The following AHCYL2 variants were observed in gnomAD, a reference collection of about 807,000 sequenced individuals.
AHCYL2 encodes adenosylhomocysteinase like 2, also known as S-adenosylhomocysteine hydrolase-like protein 2.
In AHCYL2, 28 loss-of-function variants were observed where a neutral mutation model predicts 81.4. The ratio of observed to expected loss-of-function variants is 0.34; its 90% CI spans 0.25 to 0.47. AHCYL2 has a LOEUF of 0.47. Ranked by LOEUF, AHCYL2 falls within the 20% of genes least tolerant of loss-of-function variation. The pLI, the probability that AHCYL2 is intolerant of heterozygous loss-of-function variation, is 1.00. For missense variants in AHCYL2, 551 were observed against 785.1 expected (o/e 0.70, Z 3.56); for synonymous variants, 272 against 290.2 (o/e 0.94, Z 0.64).
chr7:129,320,133 C>A (rs1318420429), intron 1 of AHCYL2, among the ~76,000 whole-genome samples: 2 of 152,006 alleles, frequency 1.3e-5, no homozygotes, highest in Non-Finnish European at 2.9e-5. Context: ...GATGATAAAT[C>A]CATGTGCTTT....
chr7:129,271,986 G>A (rs1162827203), intron 1 of AHCYL2, among the ~76,000 whole-genome samples: 1 of 152,210 alleles, frequency 6.6e-6, no homozygotes, highest in Admixed American at 6.5e-5. Flanking sequence ...GCTGGCCTTA[G>A]TGACTTGTTT....
At chr7:129,405,778 A>G in intron 8 of AHCYL2, 58 bp from the exon 9 acceptor site, 1 of 1,504,540 alleles carries the variant, frequency 6.6e-7, no homozygotes, top group South Asian at 1.3e-5. Flanking sequence ...GATTCAATCT[A>G]ACCTCAAGGG....
chr7:129,246,077 G>C (rs973459821), intron 1 of AHCYL2, among the ~76,000 whole-genome samples: 1 of 105,908 alleles, frequency 9.4e-6, no homozygotes, highest in Non-Finnish European at 2.0e-5. Flanking sequence ...TTTTTTTTTT[G>C]AGACGGAGTT....
In AHCYL2 at chr7:129,380,230, T is replaced by C. The variant is rs766467095; in HGVS notation, c.475+481T>C. ...TTGCCTTCTCTCCTAAGCTGTGACA[T>C]TGGACTTCTTGTTATTCCTCCCATC... is the stretch of plus-strand genomic sequence containing the variant. On this transcript the variant is annotated intron_variant, in intron 2 of 16. Coordinates refer to ENST00000325006, the MANE Select transcript of AHCYL2 (RefSeq NM_015328.4). 9.9e-4 allele frequency among the ~76,000 whole-genome samples: 151 copies of C among 152,200 alleles called. 3 individuals are homozygous for C. Among genetic ancestry groups the C allele is most frequent in the Non-Finnish European group, 2.8e-4 (19 of 68,040 alleles).
At chr7:129,334,494 G>A (rs185261435) in intron 1 of AHCYL2, among the ~76,000 whole-genome samples, 7 of 152,246 alleles carry the variant, frequency 4.6e-5, no homozygotes, top group African/African-American at 7.2e-5. Flanking sequence ...GTCGACAGAC[G>A]ATAGCAGTTT....
chr7:129,281,892 C>T (rs1460881094), intron 1 of AHCYL2, among the ~76,000 whole-genome samples: 2 of 152,178 alleles, frequency 1.3e-5, no homozygotes, highest in Non-Finnish European at 2.9e-5. Context: ...TCCTTTAGTG[C>T]TGCTTTAGCA....
rs982813293 is a variant in AHCYL2, at chr7:129,377,696, C to T, written c.364-1942C>T. On this transcript the variant is annotated intron_variant, in intron 1 of 16. Transcript: ENST00000325006. ...TATGCCACCTTGGATCCAGAATAGG[C>T]AATTATACAAACAGAGAAAACAAAA... 1.4e-5 allele frequency: 6 copies of T among 436,664 alleles called. 1 individual carries two copies. The Middle Eastern group carries it at 1.7e-3, about 123-fold the overall frequency. The allele number at this position is 436,664 out of a possible 1,614,324, so 27.0% of individuals were successfully genotyped here. A position where few individuals can be genotyped will look rare whatever the true frequency, so the allele number is the denominator to read the frequency against.
intron 1 of AHCYL2, among the ~76,000 whole-genome samples, chr7:129,247,677 T>A (rs894583033): frequency 2.0e-5 from 3 of 152,144 alleles, no homozygotes; most frequent in African/African-American, 7.2e-5. Context: ...CATGGCTTAC[T>A]GCAGCCTTGA....
At chr7:129,386,609 T>C (rs1447012079) in intron 2 of AHCYL2, among the ~76,000 whole-genome samples, 2 of 152,196 alleles carry the variant, frequency 1.3e-5, no homozygotes, top group African/African-American at 4.8e-5. Context: ...GTGTAAAGAT[T>C]TTTTTCTTTG....
rs765360790 is a variant in AHCYL2, at chr7:129,406,351, A to C, written c.1207-27A>C. On this transcript the variant is annotated intron_variant, in intron 9 of 16. Coordinates refer to ENST00000325006, the MANE Select transcript of AHCYL2 (RefSeq NM_015328.4). The surrounding 1 kb of genome is among the most constrained non-coding windows in gnomAD (Gnocchi z 4.3). ...AATGGTTTTCTCAGTGACTTTCCTTAATATGTGTGCTCTCTCCCCTCTTCA... is the reference window on the plus strand; with the variant it reads ...AATGGTTTTCTCAGTGACTTTCCTTCATATGTGTGCTCTCTCCCCTCTTCA... 16 of 1,604,558 alleles carry C rather than the reference A, an allele frequency of 1.0e-5. No individual in the cohort carries two copies. The South Asian group carries it at 1.2e-4, about 12-fold the overall frequency.
At chr7:129,268,204 A>T (rs1246704456) in intron 1 of AHCYL2, among the ~76,000 whole-genome samples, 1 of 152,164 alleles carries the variant, frequency 6.6e-6, no homozygotes, top group African/African-American at 2.4e-5. Context: ...TATCTTGAGG[A>T]TCTTGTTTTT....
At chr7:129,363,796 C>T (rs1287778925) in intron 1 of AHCYL2, among the ~76,000 whole-genome samples, 1 of 152,072 alleles carries the variant, frequency 6.6e-6, no homozygotes, top group Non-Finnish European at 1.5e-5. Context: ...CCTCGGCCTC[C>T]CAAAGTGCTG....
intron 1 of AHCYL2, among the ~76,000 whole-genome samples, chr7:129,318,567 T>C (rs903941261): frequency 1.3e-5 from 2 of 152,176 alleles, no homozygotes; most frequent in East Asian, 1.9e-4. Context: ...ATTTAGTAAA[T>C]GGTGTAGAGA....
At chr7:129,235,480 T>TGGTACCATCATGGCTCACTGCAGC (rs1401167444) in intron 1 of AHCYL2, among the ~76,000 whole-genome samples, 1 of 152,148 alleles carries the variant, frequency 6.6e-6, no homozygotes, top group Non-Finnish European at 1.5e-5. Context: ...TGGAGTGCAG[T>TGGTACCATCATGGCTCACTGCAGC]GGTACCATCA....
intron 11 of AHCYL2, chr7:129,410,317 C>T: frequency 2.5e-6 from 4 of 1,614,232 alleles, no homozygotes; most frequent in Non-Finnish European, 3.4e-6. Context: ...TGTTCTCAAA[C>T]TCTTCAATGT....
At position 129,368,578 on chromosome 7, in the gene AHCYL2, CCTT is replaced by C. The variant is rs1352458757; in HGVS notation, c.364-11057_364-11055del. On this transcript the variant is annotated intron_variant, in intron 1 of 16. Transcript: ENST00000325006. The surrounding 1 kb of genome is among the most constrained non-coding windows in gnomAD (Gnocchi z 4.4). ...TGAGTTCACTGGTCGTTTTGTTTCT[CCTT>C]CTGTTTCTTGATAATGAGAGGCAAC... 7 of 1,598,462 alleles carry C rather than the reference CCTT, an allele frequency of 4.4e-6. No individual in the cohort carries two copies. Among genetic ancestry groups the C allele is most frequent in the African/African-American group, 4.0e-5 (3 of 74,358 alleles).
chr7:129,229,904 T>C (rs1794359037), intron 1 of AHCYL2, among the ~76,000 whole-genome samples: 1 of 152,172 alleles, frequency 6.6e-6, no homozygotes, highest in Admixed American at 6.5e-5. Context: ...TTGGAGTACC[T>C]GAGGAATATA....
At chr7:129,280,011 A>G (rs988999433) in intron 1 of AHCYL2, among the ~76,000 whole-genome samples, 1 of 152,088 alleles carries the variant, frequency 6.6e-6, no homozygotes, top group Non-Finnish European at 1.5e-5. Context: ...AAGAATGCCT[A>G]GCTTCCTGGG....
chr7:129,248,852 T>C (rs567480948), intron 1 of AHCYL2, among the ~76,000 whole-genome samples: 16 of 152,266 alleles, frequency 1.1e-4, no homozygotes, highest in Non-Finnish European at 1.8e-4. Flanking sequence ...AGCTGCTCTT[T>C]AGCAGTATTT....
Sources: allele counts gnomAD v4.1 joint callset (sites outside exome capture counted in the v4.1 genomes callset), GRCh38; gene constraint gnomAD v4.1.1; non-coding constraint Gnocchi (gnomAD v3.1); transcripts MANE v1.5; gene names NCBI Gene and HGNC (gene_info 2026-07-23, HGNC 2026-07-21).